WDFY2: variants seen among roughly 807,000 people sequenced by gnomAD.
WDFY2 encodes the protein WD repeat and FYVE domain containing 2, also known as WD repeat and FYVE domain-containing protein 2.
Under a neutral mutation model 56.4 loss-of-function variants are expected in WDFY2, and 36 were observed. That is an observed-to-expected ratio of 0.64 (90% CI 0.49 to 0.84). The LOEUF (loss-of-function observed/expected upper bound fraction) is 0.84. Ranked by LOEUF, WDFY2 falls within the 40% of genes least tolerant of loss-of-function variation. The pLI is 0.00. For synonymous variants in WDFY2, 176 were observed against 183.7 expected, an observed-to-expected ratio of 0.96 and a Z score of 0.34; for missense variants, 444 against 512.2, an observed-to-expected ratio of 0.87 and a Z score of 1.29.
chr13:51,676,754 T>C (rs543692158), intron 3 of WDFY2, among the ~76,000 whole-genome samples: 10 of 152,316 alleles, frequency 6.6e-5, no homozygotes, highest in Non-Finnish European at 1.5e-5. Context: ...AAGTTTATGA[T>C]ACAAAGTTGT....
intron 1 of WDFY2, among the ~76,000 whole-genome samples, chr13:51,648,066 G>C (rs1258421261): frequency 6.6e-6 from 1 of 152,194 alleles, no homozygotes; most frequent in African/African-American, 2.4e-5. Flanking sequence ...CTACTGTGCT[G>C]AGTGCTGTCC....
chr13:51,751,429 C>T lies in WDFY2; in HGVS notation c.831+14C>T. ...GAGAGGCAGGAGGTAGGTGGCACAGCAGGGTGGGGTGGGCCCTGTGGTTCT... is the reference window on the plus strand; with the variant it reads ...GAGAGGCAGGAGGTAGGTGGCACAGTAGGGTGGGGTGGGCCCTGTGGTTCT... On this transcript the variant is annotated intron_variant, in intron 8 of 11. Transcript: ENST00000298125. 2 of 1,612,740 alleles carry T rather than the reference C, an allele frequency of 1.2e-6. No individual in the cohort carries two copies. Among genetic ancestry groups the T allele is most frequent in the Non-Finnish European group, 1.7e-6 (2 of 1,178,900 alleles).
intron 2 of WDFY2, among the ~76,000 whole-genome samples, chr13:51,662,690 A>G (rs530252281): frequency 6.0e-4 from 91 of 152,344 alleles, no homozygotes; most frequent in South Asian, 2.1e-3. Flanking sequence ...TAAGCTCACT[A>G]TAGCTCTTAC....
intron 1 of WDFY2, among the ~76,000 whole-genome samples, chr13:51,621,445 C>T (rs1326590142): frequency 3.9e-5 from 6 of 152,148 alleles, no homozygotes; most frequent in Admixed American, 1.3e-4. Flanking sequence ...GCGGAGTTTG[C>T]AGTGAGCCAA....
Position 51,727,671 on chromosome 13 carries a change from A to T in WDFY2, c.486-7A>T. 1.2e-6 allele frequency: 2 copies of T among 1,611,998 alleles called. No individual in the cohort carries two copies. The highest frequency in any genetic ancestry group is 1.7e-6 in the Non-Finnish European group (2 of 1,179,178). On this transcript the variant is annotated splice_polypyrimidine_tract_variant and splice_region_variant and intron_variant, in intron 5 of 11. Transcript: ENST00000298125. ...TTGAGAAACAATCCTTAATGCTTTC[A>T]TGACAGATTTGATGTTGAAACCCGG...
intron 1 of WDFY2, among the ~76,000 whole-genome samples, chr13:51,608,183 A>G (rs1954420022): frequency 6.6e-6 from 1 of 152,232 alleles, no homozygotes; most frequent in Non-Finnish European, 1.5e-5. Flanking sequence ...ACAAATTTGT[A>G]ATAGTTTGTT....
At chr13:51,743,843 T>C (rs1399901089) in intron 7 of WDFY2, among the ~76,000 whole-genome samples, 5 of 152,202 alleles carry the variant, frequency 3.3e-5, no homozygotes, top group Non-Finnish European at 7.3e-5. Context: ...GAGATTCTCA[T>C]AGTTCTCAGG....
chr13:51,734,059 C>G (rs118026275), intron 6 of WDFY2, among the ~76,000 whole-genome samples: 1 of 152,286 alleles, frequency 6.6e-6, no homozygotes, highest in Non-Finnish European at 1.5e-5. Flanking sequence ...TCTTAGTCTC[C>G]TTTAGCCTCA....
At chr13:51,733,604 A>G (rs975497467) in intron 6 of WDFY2, among the ~76,000 whole-genome samples, 1 of 152,218 alleles carries the variant, frequency 6.6e-6, no homozygotes, top group Non-Finnish European at 1.5e-5. Flanking sequence ...TGGGAACAGA[A>G]TGGATGGAGG....
intron 2 of WDFY2, among the ~76,000 whole-genome samples, chr13:51,667,576 T>C (rs1183404592): frequency 1.3e-5 from 2 of 152,166 alleles, no homozygotes; most frequent in East Asian, 1.9e-4. Context: ...AGGTGGTGAT[T>C]GTTTTCCTGA....
At chr13:51,597,246 T>C (rs1482916067) in intron 1 of WDFY2, among the ~76,000 whole-genome samples, 1 of 152,242 alleles carries the variant, frequency 6.6e-6, no homozygotes, top group Non-Finnish European at 1.5e-5. Flanking sequence ...GGTTGAGTTC[T>C]TGAGATTACT....
In WDFY2 at chr13:51,626,987, ATCTG is replaced by A. The variant is rs371196035; in HGVS notation, c.138-33608_138-33605del. ...GGGGGTGTGAGCCAGCCAGCATGGGATCTGGCCACTGCACACAGCCAGGCATGCT... is the reference window on the plus strand; with the variant it reads ...GGGGGTGTGAGCCAGCCAGCATGGGAGCCACTGCACACAGCCAGGCATGCT... On this transcript the variant is annotated intron_variant, in intron 1 of 11. Coordinates refer to ENST00000298125, the MANE Select transcript of WDFY2 (RefSeq NM_052950.4). 3.6e-3 allele frequency among the ~76,000 whole-genome samples: 555 copies of A among 152,306 alleles called. 1 individual carries two copies. The highest frequency in any genetic ancestry group is 0.013 in the African/African-American group (528 of 41,570).
chr13:51,716,388 A>G (rs1464128561), intron 4 of WDFY2, among the ~76,000 whole-genome samples: 2 of 152,202 alleles, frequency 1.3e-5, no homozygotes, highest in Admixed American at 6.5e-5. Flanking sequence ...ATCTCAATAC[A>G]AAATTTTAAA....
chr13:51,608,910 G>T (rs781308418), intron 1 of WDFY2, among the ~76,000 whole-genome samples: 1 of 151,128 alleles, frequency 6.6e-6, no homozygotes, highest in Non-Finnish European at 1.5e-5. Flanking sequence ...TTTTCTTTTC[G>T]CCTTTTTCTG....
At chr13:51,615,497 C>T (rs1256141761) in intron 1 of WDFY2, among the ~76,000 whole-genome samples, 1 of 152,156 alleles carries the variant, frequency 6.6e-6, no homozygotes, top group East Asian at 1.9e-4. Flanking sequence ...AACAGTTTGG[C>T]AGTACCTGTC....
intron 2 of WDFY2, among the ~76,000 whole-genome samples, chr13:51,665,307 T>C (rs1372936818): frequency 6.6e-6 from 1 of 152,216 alleles, no homozygotes; most frequent in East Asian, 1.9e-4. Context: ...TGTGACAGTA[T>C]CAACTTAAAA....
At chr13:51,682,106 G>A (rs1955986682) in intron 3 of WDFY2, among the ~76,000 whole-genome samples, 1 of 152,212 alleles carries the variant, frequency 6.6e-6, no homozygotes, top group African/African-American at 2.4e-5. Context: ...ACCCGTAGGA[G>A]CACCCAGATT....
intron 4 of WDFY2, among the ~76,000 whole-genome samples, chr13:51,712,873 C>A (rs1248046724): frequency 1.3e-5 from 2 of 151,796 alleles, no homozygotes; most frequent in Non-Finnish European, 2.9e-5. Context: ...AATTTGAAAA[C>A]TGAAATTTTA....
At chr13:51,674,089 G>A (rs1285776995) in intron 2 of WDFY2, among the ~76,000 whole-genome samples, 1 of 151,994 alleles carries the variant, frequency 6.6e-6, no homozygotes, top group Non-Finnish European at 1.5e-5. Flanking sequence ...TTTGAAAATG[G>A]GACTGTGTGT....
Sources: allele counts gnomAD v4.1 joint callset (sites outside exome capture counted in the v4.1 genomes callset), GRCh38; gene constraint gnomAD v4.1.1; transcripts MANE v1.5; gene names NCBI Gene and HGNC (gene_info 2026-07-23, HGNC 2026-07-21).